The following DENND2A variants were observed in gnomAD, a reference collection of about 807,000 sequenced individuals.
The protein encoded by DENND2A is DENN domain-containing protein 2A.
A neutral mutation model predicts 105.3 loss-of-function variants in DENND2A; 53 were observed. The ratio of observed to expected loss-of-function variants is 0.50; its 90% CI spans 0.40 to 0.63. The LOEUF is 0.63. DENND2A is among the 30% of genes least tolerant of loss of function. The pLI, the probability that DENND2A is intolerant of heterozygous loss-of-function variation, is 0.00. For synonymous variants in DENND2A, 522 were observed against 508.4 expected (o/e 1.03, Z -0.36); for missense variants, 1,138 against 1,279.6 (o/e 0.89, Z 1.69).
chr7:140,614,278 T>A (rs1024874196), intron 1 of DENND2A, among the ~76,000 whole-genome samples: 2 of 152,126 alleles, frequency 1.3e-5, no homozygotes, highest in African/African-American at 4.8e-5. Context: ...CTAATTTTTG[T>A]ATTTTTAGTA....
intron 9 of DENND2A, among the ~76,000 whole-genome samples, chr7:140,560,568 G>A (rs1275220513): frequency 6.6e-6 from 1 of 151,852 alleles, no homozygotes; most frequent in Non-Finnish European, 1.5e-5. Flanking sequence ...AAGGTAGGAG[G>A]ATCACTTGAG....
chr7:140,548,400 T>C (rs113342782), intron 12 of DENND2A, among the ~76,000 whole-genome samples: 4,205 of 151,844 alleles, frequency 0.028, 201 homozygotes, highest in African/African-American at 0.096. Context: ...CACACACCTG[T>C]AATCCCAGCT....
At chr7:140,593,996 C>T (rs995124562) in intron 3 of DENND2A, among the ~76,000 whole-genome samples, 1 of 151,926 alleles carries the variant, frequency 6.6e-6, no homozygotes, top group Non-Finnish European at 1.5e-5. Context: ...ACCTCTGCCT[C>T]CTGGATTCAG....
At chr7:140,590,916 A>G (rs78286958) in intron 3 of DENND2A, among the ~76,000 whole-genome samples, 5,434 of 152,102 alleles carry the variant, frequency 0.036, 174 homozygotes, top group African/African-American at 0.091. Flanking sequence ...GCCATGCTTT[A>G]CATTTGATTT....
At chr7:140,536,554 T>C (rs1319853494) in intron 14 of DENND2A, among the ~76,000 whole-genome samples, 1 of 152,204 alleles carries the variant, frequency 6.6e-6, no homozygotes, top group Non-Finnish European at 1.5e-5. Context: ...ACAGCATTTG[T>C]GGCTATGCCA....
At chr7:140,555,354 G>T (rs1161196132) in intron 12 of DENND2A, among the ~76,000 whole-genome samples, 2 of 151,708 alleles carry the variant, frequency 1.3e-5, no homozygotes, top group African/African-American at 4.8e-5. Context: ...GGCCAGGCTT[G>T]TCTCGAACTC....
rs2130685374 is a variant in DENND2A, at chr7:140,601,575, G to A, written c.823C>T (p.His275Tyr). ...CCATCTTTGTCCCCTTCTCCGGCAT[G>A]TTTGAACGTTCTCCGGGGTTTTGGC... ...PLPKPRRTFKHAGEGDKDGKP... is the reference protein window; with the variant it reads ...PLPKPRRTFKYAGEGDKDGKP... Residue 275 changes from histidine (H) to tyrosine (Y), a missense_variant, in exon 3 of 20, where the codon CAT (histidine) becomes TAT (tyrosine). His to Tyr is a moderately conservative substitution (Grantham distance 83, BLOSUM62 2). Coordinates refer to ENST00000496613, the MANE Select transcript of DENND2A (RefSeq NM_015689.5). The A allele has an allele frequency of 1.2e-6, 2 of 1,614,182 alleles. No individual in the cohort carries two copies. The highest frequency in any genetic ancestry group is 4.5e-5 in the East Asian group (2 of 44,882).
Position 140,638,534 on chromosome 7 carries a change from AAGG to A in DENND2A, c.-248+1967_-248+1969del, listed in dbSNP as rs573736379. ...CCAGGCCTCCCCACCCAACAACTAGAAGGAGCGCATCACTCCTGCTTCAGTGCA... is the reference window on the plus strand; with the variant it reads ...CCAGGCCTCCCCACCCAACAACTAGAAGCGCATCACTCCTGCTTCAGTGCA... On this transcript the variant is annotated intron_variant, in intron 1 of 19. Coordinates refer to ENST00000496613, the MANE Select transcript of DENND2A (RefSeq NM_015689.5). Among the ~76,000 whole-genome samples the A allele has an allele frequency of 1.8e-3, 279 of 152,130 alleles. 4 individuals carry two copies. The highest frequency in any genetic ancestry group is 3.8e-4 in the Non-Finnish European group (26 of 67,980).
intron 1 of DENND2A, among the ~76,000 whole-genome samples, chr7:140,611,182 C>T (rs998606519): frequency 1.3e-5 from 2 of 152,158 alleles, no homozygotes; most frequent in Admixed American, 6.5e-5. Context: ...GCTGGGATTA[C>T]AGGCATGCGC....
chr7:140,556,702 T>C (rs1240921511), intron 11 of DENND2A, among the ~76,000 whole-genome samples: 1 of 152,228 alleles, frequency 6.6e-6, no homozygotes, highest in Admixed American at 6.5e-5. Flanking sequence ...CTTACCTTTT[T>C]CAATTATCCA....
intron 1 of DENND2A, among the ~76,000 whole-genome samples, chr7:140,607,413 C>T (rs997503444): frequency 6.6e-6 from 1 of 152,022 alleles, no homozygotes; most frequent in Non-Finnish European, 1.5e-5. Context: ...GGAACAGACA[C>T]ATCTGCCAAC....
At chr7:140,553,665 C>T (rs1797236676) in intron 12 of DENND2A, among the ~76,000 whole-genome samples, 2 of 152,120 alleles carry the variant, frequency 1.3e-5, no homozygotes, top group African/African-American at 4.8e-5. Context: ...TGTTTGTGTC[C>T]CTGGGTACTT....
chr7:140,581,838 C>T (rs964967140), intron 5 of DENND2A, among the ~76,000 whole-genome samples: 1 of 152,194 alleles, frequency 6.6e-6, no homozygotes, highest in African/African-American at 2.4e-5. Flanking sequence ...CTGGGCTTAG[C>T]TGCTTTGGTG....
intron 10 of DENND2A, among the ~76,000 whole-genome samples, chr7:140,558,869 C>T (rs1407447915): frequency 2.1e-5 from 3 of 144,070 alleles, no homozygotes; most frequent in African/African-American, 5.2e-5. Flanking sequence ...GTGGTGTGAT[C>T]TCGGCTCACC....
At chr7:140,619,710 G>A (rs1286255407) in intron 1 of DENND2A, among the ~76,000 whole-genome samples, 2 of 151,836 alleles carry the variant, frequency 1.3e-5, no homozygotes, top group Non-Finnish European at 2.9e-5. Flanking sequence ...ATGTTGGCCA[G>A]GCTGCTCTTG....
At position 140,559,879 on chromosome 7, in the gene DENND2A, A is replaced by T; in HGVS notation, c.1780-62T>A. 7.8e-7 allele frequency: 1 copy of T among 1,282,520 alleles called. No homozygotes were observed. The highest frequency in any genetic ancestry group is 1.1e-6 in the Non-Finnish European group (1 of 887,084). The allele number at this position is 1,282,520 out of a possible 1,614,324, so 79.4% of individuals were successfully genotyped here. On this transcript the variant is annotated intron_variant, in intron 9 of 19. Coordinates refer to ENST00000496613, the MANE Select transcript of DENND2A (RefSeq NM_015689.5). This position sits in a 1 kb window ranked among gnomAD's most constrained non-coding sequence, Gnocchi z 4.1. ...ATCTCAGCATGGGAAATTGAGGCGGATGATGGTAAGGATGGCCTCTCCCAC... is the reference window on the plus strand; with the variant it reads ...ATCTCAGCATGGGAAATTGAGGCGGTTGATGGTAAGGATGGCCTCTCCCAC...
Position 140,518,621 on chromosome 7 carries a change from G to A in DENND2A, c.*86C>T, listed in dbSNP as rs1198652426. On this transcript the variant is annotated 3_prime_UTR_variant, in exon 20 of 20. Transcript: ENST00000496613. Reference sequence around the variant, plus strand: ...TCCAGTTCCGCACCGTGACAACCTGGGACCCAGCCTTTCAGAAAGGCCACC... The same window carrying A: ...TCCAGTTCCGCACCGTGACAACCTGAGACCCAGCCTTTCAGAAAGGCCACC... The A allele has an allele frequency of 9.7e-6, 14 of 1,441,444 alleles. No homozygotes were observed. The African/African-American group carries it at 1.8e-4, about 19-fold the overall frequency. 89.3% of individuals were successfully genotyped at this position (1,441,444 alleles called of 1,614,324 possible).
intron 1 of DENND2A, among the ~76,000 whole-genome samples, chr7:140,638,515 C>T (rs1801041766): frequency 6.6e-6 from 1 of 152,156 alleles, no homozygotes; most frequent in Admixed American, 6.5e-5. Context: ...TCCTCCAGGC[C>T]TCCCCACCCA....
Position 140,579,827 on chromosome 7 carries a change from C to T in DENND2A, c.1245+5762G>A, listed in dbSNP as rs114550789. ...TCTTTAAAATACACACACATAAATA[C>T]ACATATACAAGATGTCAATCTGGGC... is the stretch of plus-strand genomic sequence containing the variant. On this transcript the variant is annotated intron_variant, in intron 5 of 19. Transcript: ENST00000496613. 6.1e-3 allele frequency among the ~76,000 whole-genome samples: 924 copies of T among 152,156 alleles called. 6 individuals carry two copies. Among genetic ancestry groups the T allele is most frequent in the African/African-American group, 0.02 (851 of 41,518 alleles).
Sources: allele counts gnomAD v4.1 joint callset (sites outside exome capture counted in the v4.1 genomes callset), GRCh38; gene constraint gnomAD v4.1.1; non-coding constraint Gnocchi (gnomAD v3.1); transcripts MANE v1.5; gene names NCBI Gene and HGNC (gene_info 2026-07-23, HGNC 2026-07-21).